ATXN8OS: variants seen among roughly 807,000 people sequenced by gnomAD.
ATXN8OS encodes the protein ATXN8 opposite strand lncRNA, also known as ATXN8 opposite strand (non-protein coding).
intron 1 of ATXN8OS, among the ~76,000 whole-genome samples, chr13:70,110,868 C>T (rs930393988): frequency 2.6e-5 from 4 of 152,040 alleles, no homozygotes; most frequent in Non-Finnish European, 5.9e-5. Flanking sequence ...ACTTGTGAGT[C>T]AATTAAATTA....
chr13:70,117,578 A>T (rs2137472589), intron 2 of ATXN8OS, among the ~76,000 whole-genome samples: 1 of 152,200 alleles, frequency 6.6e-6, no homozygotes, highest in East Asian at 1.9e-4. Flanking sequence ...CTAGTTGCCT[A>T]CTGACTGGAA....
chr13:70,108,693 A>G (rs1002308135), intron 1 of ATXN8OS, among the ~76,000 whole-genome samples: 1 of 152,244 alleles, frequency 6.6e-6, no homozygotes, highest in African/African-American at 2.4e-5. Context: ...ATGCTTTTGC[A>G]TCAGTAAACA....
chr13:70,111,857 T>C (rs938611632), intron 1 of ATXN8OS, among the ~76,000 whole-genome samples: 1 of 152,222 alleles, frequency 6.6e-6, no homozygotes. Context: ...AATTTGAAAG[T>C]TCATGCCTTA....
At chr13:70,129,638 T>C (rs940295498) in intron 2 of ATXN8OS, 8 of 393,906 alleles carry the variant, frequency 2.0e-5, no homozygotes, top group African/African-American at 1.6e-4. Context: ...GTTACTATGT[T>C]CTAAAGGTGT....
chr13:70,158,359 A>C (rs943079213), intron 4 of ATXN8OS, among the ~76,000 whole-genome samples: 2 of 152,194 alleles, frequency 1.3e-5, no homozygotes, highest in South Asian at 4.1e-4. Flanking sequence ...CGGAGCTTGC[A>C]ATGAGCCAAG....
At chr13:70,141,874 A>G (rs1888720270) in intron 3 of ATXN8OS, among the ~76,000 whole-genome samples, 1 of 151,936 alleles carries the variant, frequency 6.6e-6, no homozygotes, top group Non-Finnish European at 1.5e-5. Context: ...ATGTATATGT[A>G]TATATAATTT....
intron 1 of ATXN8OS, among the ~76,000 whole-genome samples, chr13:70,112,297 C>T (rs1253054830): frequency 6.6e-6 from 1 of 152,006 alleles, no homozygotes; most frequent in South Asian, 2.1e-4. Flanking sequence ...GACACAGAGC[C>T]AAACCATATC....
intron 4 of ATXN8OS, among the ~76,000 whole-genome samples, chr13:70,159,166 T>G (rs1888971544): frequency 7.6e-6 from 1 of 131,114 alleles, no homozygotes; most frequent in Non-Finnish European, 1.6e-5. Flanking sequence ...TCTCCTTCCC[T>G]CCACCACTTC....
chr13:70,119,916 A>AC (rs535676410), intron 2 of ATXN8OS, among the ~76,000 whole-genome samples: 742 of 15,394 alleles, frequency 0.048, 6 homozygotes, highest in African/African-American at 0.09. Flanking sequence ...AATATTTCAC[A>AC]AAAAAAAATG....
intron 1 of ATXN8OS, among the ~76,000 whole-genome samples, chr13:70,110,731 TA>T (rs928775275): frequency 1.3e-5 from 2 of 151,984 alleles, no homozygotes; most frequent in Non-Finnish European, 1.5e-5. Flanking sequence ...TATTCAAAAA[TA>T]AAAAACTTTG....
chr13:70,164,077 TTATTATTA>T (rs1889045450), intron 4 of ATXN8OS, among the ~76,000 whole-genome samples: 1 of 147,148 alleles, frequency 6.8e-6, no homozygotes, highest in African/African-American at 2.5e-5. Context: ...ATTATTATTA[TTATTATTA>T]TTATTATTAT....
chr13:70,112,579 G>A (rs767531163), intron 1 of ATXN8OS, among the ~76,000 whole-genome samples: 6 of 151,958 alleles, frequency 3.9e-5, no homozygotes, highest in East Asian at 1.9e-4. Context: ...TTAAGTGACT[G>A]CTTAATAAAC....
At chr13:70,159,842 T>C (rs974083340) in intron 4 of ATXN8OS, among the ~76,000 whole-genome samples, 2 of 152,250 alleles carry the variant, frequency 1.3e-5, no homozygotes, top group African/African-American at 4.8e-5. Flanking sequence ...TTGAAATTCA[T>C]TCACAACATT....
intron 4 of ATXN8OS, among the ~76,000 whole-genome samples, chr13:70,152,490 C>T (rs1055252791): frequency 9.9e-5 from 15 of 151,694 alleles, no homozygotes; most frequent in African/African-American, 2.9e-4. Flanking sequence ...TATACACACA[C>T]GTGTATATGT....
At chr13:70,156,695 T>C (rs1888942043) in intron 4 of ATXN8OS, among the ~76,000 whole-genome samples, 1 of 152,156 alleles carries the variant, frequency 6.6e-6, no homozygotes, top group African/African-American at 2.4e-5. Context: ...ATGTTTTCTA[T>C]GAGAAGCATG....
At chr13:70,148,255 G>A (rs554415461) in intron 4 of ATXN8OS, among the ~76,000 whole-genome samples, 1 of 152,262 alleles carries the variant, frequency 6.6e-6, no homozygotes, top group Non-Finnish European at 1.5e-5. Flanking sequence ...CCCCACAAAA[G>A]ATGGCTTTGC....
intron 3 of ATXN8OS, among the ~76,000 whole-genome samples, chr13:70,140,013 C>A (rs1349916784): frequency 6.6e-6 from 1 of 152,092 alleles, no homozygotes; most frequent in Admixed American, 6.6e-5. Flanking sequence ...ATAACACACT[C>A]TAACTTTTAA....
In ATXN8OS at chr13:70,126,857, G is replaced by T. The variant is rs140269739; in HGVS notation, n.399-2927G>T. On this transcript the variant is annotated intron_variant and non_coding_transcript_variant, in intron 2 of 4. Transcript: ENST00000678624. ...GTATATCCGTATCTATATATCAACA[G>T]ATACAGAGTTTACACATTTATAGAG... is the stretch of plus-strand genomic sequence containing the variant. Among the ~76,000 whole-genome samples the T allele has an allele frequency of 9.4e-3, 1,426 of 151,210 alleles. 16 individuals carry two copies. Among genetic ancestry groups the T allele is most frequent in the Non-Finnish European group, 0.014 (954 of 67,620 alleles).
At chr13:70,147,767 C>A (rs929143210) in intron 4 of ATXN8OS, among the ~76,000 whole-genome samples, 1 of 152,062 alleles carries the variant, frequency 6.6e-6, no homozygotes, top group African/African-American at 2.4e-5. Flanking sequence ...TGTGACACAG[C>A]CTCGGGAGGT....
Sources: allele counts gnomAD v4.1 joint callset (sites outside exome capture counted in the v4.1 genomes callset), GRCh38; gene constraint gnomAD v4.1.1; transcripts MANE v1.5; gene names NCBI Gene and HGNC (gene_info 2026-07-23, HGNC 2026-07-21).